POPDC1: variants seen among roughly 807,000 people sequenced by gnomAD.
POPDC1 encodes the protein popeye domain-containing protein 1.
At chr6:105,130,360 T>G in the POPDC1 span, among the ~76,000 whole-genome samples, 13 of 152,296 alleles carry the variant, frequency 8.5e-5, no homozygotes, top group South Asian at 2.7e-3. Flanking sequence ...GTATAATTTT[T>G]GACAAGTGGA....
the POPDC1 span, chr6:105,101,279 T>C: frequency 1.4e-6 from 2 of 1,423,524 alleles, no homozygotes; most frequent in South Asian, 1.7e-5. Flanking sequence ...GTGTGATATA[T>C]CAATTATAAA....
the POPDC1 span, among the ~76,000 whole-genome samples, chr6:105,130,135 T>C: frequency 6.6e-6 from 1 of 152,188 alleles, no homozygotes; most frequent in Non-Finnish European, 1.5e-5. Flanking sequence ...CCATTAAATA[T>C]CAAATAATTT....
chr6:105,100,329 G>GA, the POPDC1 span: 2 of 151,778 alleles, frequency 1.3e-5, no homozygotes, highest in East Asian at 2.0e-4. Context: ...CTAACACAGT[G>GA]AAACCCCATC....
chr6:105,103,969 A>G, the POPDC1 span, among the ~76,000 whole-genome samples: 2 of 148,718 alleles, frequency 1.3e-5, no homozygotes, highest in Non-Finnish European at 3.0e-5. Context: ...CTGGGGCAGA[A>G]GAAGAGCTAT....
At chr6:105,129,199 A>G in the POPDC1 span, among the ~76,000 whole-genome samples, 1 of 147,222 alleles carries the variant, frequency 6.8e-6, no homozygotes, top group Non-Finnish European at 1.5e-5. Context: ...TTTGTAGAAC[A>G]AATTTCGTGG....
At chr6:105,104,018 A>G in the POPDC1 span, among the ~76,000 whole-genome samples, 2 of 152,214 alleles carry the variant, frequency 1.3e-5, no homozygotes, top group African/African-American at 4.8e-5. Flanking sequence ...AATGAGAGTG[A>G]TTCACAATCC....
the POPDC1 span, chr6:105,100,962 C>A: frequency 8.8e-7 from 1 of 1,135,464 alleles, no homozygotes. Context: ...TCCTCACTTC[C>A]TCCCTCCGAC....
At chr6:105,122,166 C>T in the POPDC1 span, among the ~76,000 whole-genome samples, 1 of 152,176 alleles carries the variant, frequency 6.6e-6, no homozygotes, top group Non-Finnish European at 1.5e-5. Flanking sequence ...AAAGTACAGT[C>T]TCTCCCAAGG....
At chr6:105,116,782 C>A in the POPDC1 span, 1 of 1,612,518 alleles carries the variant, frequency 6.2e-7, no homozygotes, top group South Asian at 1.1e-5. Context: ...AGATTTCATA[C>A]AAGAAAGGTT....
chr6:105,135,576 T>C, the POPDC1 span, among the ~76,000 whole-genome samples: 1 of 152,246 alleles, frequency 6.6e-6, no homozygotes, highest in South Asian at 2.1e-4. Flanking sequence ...GTTCTTAAAG[T>C]GACACTAAAA....
At chr6:105,129,522 A>G in the POPDC1 span, 1 of 1,602,922 alleles carries the variant, frequency 6.2e-7, no homozygotes, top group Admixed American at 1.7e-5. Context: ...GAGCAAAGTT[A>G]ACACGTTAGA....
At chr6:105,108,223 G>C in the POPDC1 span, among the ~76,000 whole-genome samples, 9 of 152,160 alleles carry the variant, frequency 5.9e-5, no homozygotes, top group Non-Finnish European at 1.2e-4. Flanking sequence ...AGGAGAAGGT[G>C]AATGAACCCA....
the POPDC1 span, among the ~76,000 whole-genome samples, chr6:105,121,686 G>C: frequency 6.6e-6 from 1 of 152,138 alleles, no homozygotes; most frequent in Non-Finnish European, 1.5e-5. Flanking sequence ...TGTAAGTTCA[G>C]AATCTGTTTT....
chr6:105,103,504 T>A, the POPDC1 span, among the ~76,000 whole-genome samples: 1 of 152,096 alleles, frequency 6.6e-6, no homozygotes, highest in Non-Finnish European at 1.5e-5. Flanking sequence ...TTCCATCATA[T>A]TTTTAGCCTT....
chr6:105,096,939 G>T, the POPDC1 span: 1 of 152,582 alleles, frequency 6.6e-6, no homozygotes, highest in African/African-American at 2.4e-5. Context: ...AATTTAAATG[G>T]CACCTAAAAT....
the POPDC1 span, among the ~76,000 whole-genome samples, chr6:105,107,845 C>T: frequency 1.3e-5 from 2 of 151,588 alleles, no homozygotes; most frequent in African/African-American, 4.9e-5. Flanking sequence ...CCTGTCTTTG[C>T]TTATTATATC....
chr6:105,107,353 A>G, the POPDC1 span, among the ~76,000 whole-genome samples: 1 of 152,224 alleles, frequency 6.6e-6, no homozygotes, highest in African/African-American at 2.4e-5. Context: ...TTCTGTCCCT[A>G]TTAAGCTTAT....
chr6:105,115,355 T>C, the POPDC1 span, among the ~76,000 whole-genome samples: 6 of 152,152 alleles, frequency 3.9e-5, no homozygotes, highest in South Asian at 1.2e-3. Flanking sequence ...CCCAAAGTGC[T>C]GATCTGCCCG....
At chr6:105,097,768 A>G in the POPDC1 span, 1 of 152,238 alleles carries the variant, frequency 6.6e-6, no homozygotes, top group Admixed American at 6.5e-5. Context: ...TGTTAGCAGC[A>G]AAACGCAAAG....
Sources: gnomAD v4.1 joint callset for allele counts (sites outside exome capture counted in the v4.1 genomes callset) on GRCh38, gnomAD v4.1.1 for gene constraint, MANE v1.5 for transcripts, NCBI Gene and HGNC (gene_info 2026-07-23, HGNC 2026-07-21) for gene names.